Variants in EYA1 observed in about 807,000 individuals in gnomAD.
EYA1 encodes EYA transcriptional coactivator and phosphatase 1, also known as protein phosphatase EYA1.
In EYA1, 16 loss-of-function variants were observed where a neutral mutation model predicts 82.0. The ratio of observed to expected loss-of-function variants is 0.20; its 90% CI spans 0.13 to 0.30. The LOEUF (loss-of-function observed/expected upper bound fraction) is 0.30, where lower values mean the gene tolerates loss of function less well. Among genes scored for constraint, EYA1 ranks in the 10% least tolerant of loss-of-function variants. EYA1 has a pLI of 1.00. For missense variants in EYA1, 633 were observed against 730.7 expected, an observed-to-expected ratio of 0.87 and a Z score of 1.54; for synonymous variants, 261 against 264.4, an observed-to-expected ratio of 0.99 and a Z score of 0.12.
chr8:71,437,838 A>G (rs943414576), intron 2 of EYA1, among the ~76,000 whole-genome samples: 2 of 152,170 alleles, frequency 1.3e-5, no homozygotes, highest in African/African-American at 4.8e-5. Context: ...TAGGAGTTCT[A>G]TACCATGAGA....
intron 3 of EYA1, among the ~76,000 whole-genome samples, chr8:71,337,631 C>A (rs999560889): frequency 1.3e-5 from 2 of 152,158 alleles, no homozygotes; most frequent in Non-Finnish European, 2.9e-5. Context: ...TCTTAATTAT[C>A]TCCATATACA....
intron 12 of EYA1, among the ~76,000 whole-genome samples, chr8:71,233,073 A>G (rs1268450523): frequency 6.6e-6 from 1 of 152,190 alleles, no homozygotes; most frequent in Non-Finnish European, 1.5e-5. Flanking sequence ...TAGAACTGCA[A>G]GCTAACAAAC....
intron 9 of EYA1, among the ~76,000 whole-genome samples, chr8:71,298,024 G>A (rs915350869): frequency 7.9e-5 from 12 of 152,072 alleles, no homozygotes; most frequent in Admixed American, 7.9e-4. Context: ...GGAAAAAAAC[G>A]TGGAACATGA....
At chr8:71,385,483 A>G (rs1367712635) in intron 2 of EYA1, among the ~76,000 whole-genome samples, 2 of 152,180 alleles carry the variant, frequency 1.3e-5, no homozygotes, top group Non-Finnish European at 2.9e-5. Context: ...TGTTACAACT[A>G]TCTAAACTGT....
chr8:71,213,933 T>C (rs1159251622), intron 16 of EYA1, among the ~76,000 whole-genome samples: 1 of 152,236 alleles, frequency 6.6e-6, no homozygotes, highest in East Asian at 1.9e-4. Context: ...TTACAGCTAC[T>C]ATGATGAGCA....
At chr8:71,356,722 T>A (rs1826920919) in intron 1 of EYA1, 1 of 1,235,386 alleles carries the variant, frequency 8.1e-7, no homozygotes, top group Non-Finnish European at 1.0e-6. Flanking sequence ...CCTCCCCTTG[T>A]CAGGGGGGGA....
At position 71,355,474 on chromosome 8, in the gene EYA1, A is replaced by T. The variant is rs563477599; in HGVS notation, c.-4-565T>A. 2.6e-5 allele frequency among the ~76,000 whole-genome samples: 4 copies of T among 152,326 alleles called. No homozygotes were observed. The East Asian group carries it at 5.8e-4, about 22-fold the overall frequency. On this transcript the variant is annotated intron_variant, in intron 2 of 17. Transcript: ENST00000340726. ...ACAGGGAATGAGATAGTCCTGATGC[A>T]TGTGTTTACTCTGGCAAACTACTTA... is the stretch of plus-strand genomic sequence containing the variant.
intron 11 of EYA1, among the ~76,000 whole-genome samples, chr8:71,264,198 A>G (rs1207116989): frequency 2.0e-5 from 3 of 152,196 alleles, no homozygotes; most frequent in East Asian, 3.8e-4. Context: ...CCATGCTAAG[A>G]GTTTAGCTTC....
At chr8:71,263,267 G>A (rs1431823760) in intron 11 of EYA1, among the ~76,000 whole-genome samples, 1 of 152,090 alleles carries the variant, frequency 6.6e-6, no homozygotes, top group Non-Finnish European at 1.5e-5. Context: ...AGCTTACAAA[G>A]CCTCCCATTC....
At chr8:71,547,899 C>CCCCCGTT (rs1638960267) in exon 1 of EYA1, 1 of 152,010 alleles carries the variant, frequency 6.6e-6, no homozygotes, top group East Asian at 1.9e-4. Flanking sequence ...GGCTGAGGAA[C>CCCCCGTT]CGGTTCTTCC....
At chr8:71,296,036 A>T (rs1198641276) in intron 9 of EYA1, among the ~76,000 whole-genome samples, 2 of 152,222 alleles carry the variant, frequency 1.3e-5, no homozygotes, top group Non-Finnish European at 2.9e-5. Flanking sequence ...CTCAAGGTAG[A>T]TTCTAATGTA....
chr8:71,365,608 A>G (rs991842225), upstream of EYA1, among the ~76,000 whole-genome samples: 4 of 152,232 alleles, frequency 2.6e-5, no homozygotes, highest in Non-Finnish European at 5.9e-5. Flanking sequence ...CTATACTTCC[A>G]GTCTTCCTGG....
At chr8:71,462,023 G>T (rs1808399264) in intron 2 of EYA1, among the ~76,000 whole-genome samples, 1 of 152,110 alleles carries the variant, frequency 6.6e-6, no homozygotes, top group Non-Finnish European at 1.5e-5. Flanking sequence ...GGGTGACCAT[G>T]GCTGGGCCCA....
intron 2 of EYA1, among the ~76,000 whole-genome samples, chr8:71,400,222 G>T (rs1490049831): frequency 1.3e-5 from 2 of 152,182 alleles, no homozygotes; most frequent in Non-Finnish European, 2.9e-5. Context: ...ATACTATTCA[G>T]CACATAGGCG....
chr8:71,207,904 A>ATTCT (rs1306023822), intron 17 of EYA1, among the ~76,000 whole-genome samples: 1 of 152,092 alleles, frequency 6.6e-6, no homozygotes, highest in Non-Finnish European at 1.5e-5. Flanking sequence ...CTTATAATTT[A>ATTCT]TTCTTTGGTA....
intron 2 of EYA1, among the ~76,000 whole-genome samples, chr8:71,418,581 A>G (rs1259453812): frequency 1.3e-5 from 2 of 152,148 alleles, no homozygotes; most frequent in Admixed American, 1.3e-4. Context: ...CACAACAGCT[A>G]TCTAAAAAAT....
At chr8:71,530,494 T>A (rs1045613842) in intron 2 of EYA1, among the ~76,000 whole-genome samples, 1 of 152,194 alleles carries the variant, frequency 6.6e-6, no homozygotes, top group Non-Finnish European at 1.5e-5. Context: ...AAATTGTAAA[T>A]CTCTGGATTC....
At chr8:71,369,959 T>A (rs1016375917) in intron 2 of EYA1, among the ~76,000 whole-genome samples, 1 of 152,070 alleles carries the variant, frequency 6.6e-6, no homozygotes, top group Non-Finnish European at 1.5e-5. Flanking sequence ...AAAACTGTGC[T>A]AGGAATTTGC....
Position 71,522,753 on chromosome 8 carries a change from G to C in EYA1, c.33+12991C>G, listed in dbSNP as rs1347276769. ...GCCTCCCAACTAGTTGAGACCCCAG[G>C]CCCATGCCACCACACCTGGCTAATG... On this transcript the variant is annotated intron_variant, in intron 2 of 18. Transcript: ENST00000643681. Among the ~76,000 whole-genome samples the C allele has an allele frequency of 2.0e-5, 3 of 151,902 alleles. No individual in the cohort carries two copies. In the East Asian group the frequency reaches 5.8e-4, roughly 30 times the overall value.
Sources: gnomAD v4.1 joint callset for allele counts (sites outside exome capture counted in the v4.1 genomes callset) on GRCh38, gnomAD v4.1.1 for gene constraint, MANE v1.5 for transcripts, NCBI Gene and HGNC (gene_info 2026-07-23, HGNC 2026-07-21) for gene names.